CNTNAP2: variants seen among roughly 807,000 people sequenced by gnomAD.
CNTNAP2 encodes contactin-associated protein-like 2.
A neutral mutation model predicts 155.2 loss-of-function variants in CNTNAP2; 98 were observed. That is an observed-to-expected ratio of 0.63 (90% CI 0.54 to 0.75). The LOEUF (loss-of-function observed/expected upper bound fraction) is 0.75. Ranked by LOEUF, CNTNAP2 falls within the 30% of genes least tolerant of loss-of-function variation. CNTNAP2 has a pLI of 0.00. For missense variants in CNTNAP2, 1,727 were observed against 1,688.1 expected (o/e 1.02, Z -0.40); for synonymous variants, 651 against 631.2 (o/e 1.03, Z -0.47).
At chr7:147,320,340 C>T (rs140191608) in intron 9 of CNTNAP2, among the ~76,000 whole-genome samples, 1 of 152,300 alleles carries the variant, frequency 6.6e-6, no homozygotes, top group Non-Finnish European at 1.5e-5. Flanking sequence ...TCCAGACATT[C>T]ATGAATCCAG....
intron 11 of CNTNAP2, among the ~76,000 whole-genome samples, chr7:147,488,337 T>C (rs1301253257): frequency 6.6e-6 from 1 of 152,184 alleles, no homozygotes; most frequent in Non-Finnish European, 1.5e-5. Flanking sequence ...CCGTGTGCCT[T>C]TGTGGTCAAT....
chr7:147,591,225 G>T (rs149461863), intron 12 of CNTNAP2, among the ~76,000 whole-genome samples: 221 of 152,202 alleles, frequency 1.5e-3, no homozygotes, highest in African/African-American at 4.9e-3. Flanking sequence ...CCATGGACTG[G>T]GTAGCTTAAA....
At chr7:147,711,476 G>T (rs1315322318) in intron 13 of CNTNAP2, among the ~76,000 whole-genome samples, 2 of 152,154 alleles carry the variant, frequency 1.3e-5, no homozygotes, top group Non-Finnish European at 1.5e-5. Flanking sequence ...TTATGCAAGG[G>T]TCAAAATGTA....
At chr7:147,109,547 T>A (rs562509891) in intron 5 of CNTNAP2, among the ~76,000 whole-genome samples, 1 of 152,078 alleles carries the variant, frequency 6.6e-6, no homozygotes, top group East Asian at 1.9e-4. Context: ...TAATTGTGAA[T>A]ATTGAGTAGG....
At chr7:146,269,130 A>G (rs1054035154) in intron 1 of CNTNAP2, among the ~76,000 whole-genome samples, 1 of 152,076 alleles carries the variant, frequency 6.6e-6, no homozygotes, top group Non-Finnish European at 1.5e-5. Flanking sequence ...TCACGAGGTC[A>G]GGAGATCGAG....
At chr7:148,371,978 A>C (rs992208111) in intron 21 of CNTNAP2, among the ~76,000 whole-genome samples, 1 of 152,182 alleles carries the variant, frequency 6.6e-6, no homozygotes, top group Admixed American at 6.5e-5. Context: ...AGGCAGGCGG[A>C]TCACAAGGTC....
intron 15 of CNTNAP2, among the ~76,000 whole-genome samples, chr7:148,057,208 A>G (rs975618373): frequency 2.6e-5 from 4 of 152,178 alleles, no homozygotes; most frequent in African/African-American, 9.6e-5. Flanking sequence ...AGTACCAGTC[A>G]TGAGGAAGCA....
At position 146,946,854 on chromosome 7, in the gene CNTNAP2, A is replaced by T. The variant is rs529012318; in HGVS notation, c.403-97053A>T. Among the ~76,000 whole-genome samples the T allele has an allele frequency of 2.0e-5, 3 of 151,166 alleles. No homozygotes were observed. In the South Asian group the frequency reaches 6.2e-4, roughly 31 times the overall value. ...TACTTTTTCACTCACCTAATATTAGATTAGAAAAAGATCATTATTTAAAAC... is the reference window on the plus strand; with the variant it reads ...TACTTTTTCACTCACCTAATATTAGTTTAGAAAAAGATCATTATTTAAAAC... On this transcript the variant is annotated intron_variant, in intron 3 of 23. Transcript: ENST00000361727.
chr7:147,596,906 A>G (rs892962322), intron 12 of CNTNAP2, among the ~76,000 whole-genome samples: 3 of 152,156 alleles, frequency 2.0e-5, no homozygotes, highest in African/African-American at 7.2e-5. Context: ...CTTCATTGCT[A>G]CGCTCCCTCC....
chr7:146,281,650 C>T (rs1333658289), intron 1 of CNTNAP2, among the ~76,000 whole-genome samples: 2 of 151,904 alleles, frequency 1.3e-5, no homozygotes, highest in African/African-American at 4.8e-5. Context: ...CAAAAATTAG[C>T]CAGGTGTGGT....
chr7:147,136,862 ATAT>A (rs1341098551), intron 8 of CNTNAP2, among the ~76,000 whole-genome samples: 2 of 151,848 alleles, frequency 1.3e-5, no homozygotes, highest in Non-Finnish European at 2.9e-5. Context: ...TTCTATACTG[ATAT>A]TATTTCAAAA....
At chr7:147,911,619 T>G (rs1220386376) in intron 14 of CNTNAP2, among the ~76,000 whole-genome samples, 1 of 152,226 alleles carries the variant, frequency 6.6e-6, no homozygotes, top group Non-Finnish European at 1.5e-5. Flanking sequence ...AAGTTTGAAT[T>G]ATTTGATTTC....
At chr7:147,188,164 A>T (rs1802606537) in intron 8 of CNTNAP2, among the ~76,000 whole-genome samples, 1 of 152,228 alleles carries the variant, frequency 6.6e-6, no homozygotes, top group Non-Finnish European at 1.5e-5. Context: ...TTTAGAAGAG[A>T]TTTATAAAAA....
At chr7:148,224,255 G>A (rs1290495949) in intron 19 of CNTNAP2, among the ~76,000 whole-genome samples, 3 of 151,854 alleles carry the variant, frequency 2.0e-5, no homozygotes, top group Non-Finnish European at 4.4e-5. Flanking sequence ...TTTTCTGCGT[G>A]TTGCCAAACA....
intron 1 of CNTNAP2, among the ~76,000 whole-genome samples, chr7:146,331,036 G>A (rs920979572): frequency 1.3e-5 from 2 of 152,130 alleles, no homozygotes; most frequent in African/African-American, 4.8e-5. Flanking sequence ...CGGGCGCGGT[G>A]GCTCACGCCT....
chr7:148,040,233 A>G (rs1802645525), intron 15 of CNTNAP2, among the ~76,000 whole-genome samples: 1 of 152,252 alleles, frequency 6.6e-6, no homozygotes, highest in Admixed American at 6.5e-5. Flanking sequence ...AAATTCTCCA[A>G]AATAAGCAAA....
chr7:147,995,279 A>G (rs1474299871), intron 15 of CNTNAP2, among the ~76,000 whole-genome samples: 2 of 152,170 alleles, frequency 1.3e-5, no homozygotes, highest in Non-Finnish European at 2.9e-5. Context: ...CTTATTAATC[A>G]GTTAACCCTC....
chr7:147,873,027 T>A (rs1799354359), intron 13 of CNTNAP2, among the ~76,000 whole-genome samples: 1 of 152,338 alleles, frequency 6.6e-6, no homozygotes, highest in African/African-American at 2.4e-5. Flanking sequence ...AACAAAAATT[T>A]GAGTTTGGCA....
At chr7:147,511,580 G>A (rs1435681567) in intron 11 of CNTNAP2, among the ~76,000 whole-genome samples, 2 of 151,288 alleles carry the variant, frequency 1.3e-5, no homozygotes, top group African/African-American at 4.9e-5. Flanking sequence ...TGTACATAAT[G>A]TTTCTAAACT....
Sources: allele counts gnomAD v4.1 joint callset (sites outside exome capture counted in the v4.1 genomes callset), GRCh38; gene constraint gnomAD v4.1.1; transcripts MANE v1.5; gene names NCBI Gene and HGNC (gene_info 2026-07-23, HGNC 2026-07-21).